NUP210L: variants seen among roughly 807,000 people sequenced by gnomAD.
NUP210L encodes nuclear pore membrane glycoprotein 210-like.
A neutral mutation model predicts 208.5 loss-of-function variants in NUP210L; 74 were observed. The observed-to-expected ratio is 0.35, with a 90% CI of 0.29 to 0.43. The LOEUF is 0.43. NUP210L is among the 20% of genes least tolerant of loss of function. The probability of loss-of-function intolerance (pLI) is 1.00; values close to 1 mark genes in which losing one functional copy is unlikely to be tolerated. For synonymous variants in NUP210L, 780 were observed against 816.9 expected (o/e 0.95, Z 0.77); for missense variants, 1,843 against 2,289.4 (o/e 0.81, Z 3.98).
chr1:154,001,726 TTAACATACC>T lies in NUP210L; in HGVS notation c.5181_5181+8del. ...CTCTTGTTCTGTTTTGGTTCAGTTC[TTAACATACC>T]TCTAGCTTCCTAAGAACTCTGTCCA... On this transcript the variant is annotated splice_donor_variant and splice_donor_5th_base_variant and coding_sequence_variant and intron_variant, in exon 36 of 40. Coordinates refer to ENST00000368559, the Ensembl canonical transcript of NUP210L. LOFTEE classifies it high-confidence loss of function. The T allele has an allele frequency of 1.2e-6, 2 of 1,613,938 alleles. No homozygotes were observed. Among genetic ancestry groups the T allele is most frequent in the Non-Finnish European group, 1.7e-6 (2 of 1,179,810 alleles).
At chr1:154,021,263 A>G (rs1651544300) in intron 32 of NUP210L, among the ~76,000 whole-genome samples, 1 of 152,186 alleles carries the variant, frequency 6.6e-6, no homozygotes, top group South Asian at 2.1e-4. Flanking sequence ...TTAACTCAGT[A>G]CTTAGGACAG....
At chr1:154,056,421 A>T (rs1283385682) in intron 23 of NUP210L, among the ~76,000 whole-genome samples, 1 of 151,312 alleles carries the variant, frequency 6.6e-6, no homozygotes, top group Non-Finnish European at 1.5e-5. Flanking sequence ...CAGTCAAATG[A>T]TTTTTTTTCT....
intron 27 of NUP210L, among the ~76,000 whole-genome samples, chr1:154,034,973 C>G (rs1652452269): frequency 2.0e-5 from 3 of 151,824 alleles, no homozygotes; most frequent in African/African-American, 7.3e-5. Context: ...TCCTGAGTAG[C>G]TAGGATTACA....
At chr1:154,130,985 G>C (rs1032449707) in intron 7 of NUP210L, among the ~76,000 whole-genome samples, 13 of 152,032 alleles carry the variant, frequency 8.6e-5, no homozygotes, top group Non-Finnish European at 1.6e-4. Flanking sequence ...TAAGAGCTAG[G>C]GCCGGGCGTC....
At chr1:154,060,963 G>C in exon 19 of NUP210L, 2 of 1,611,576 alleles carry the variant, frequency 1.2e-6, no homozygotes, top group East Asian at 4.5e-5. Context: ...GGTGGTTATA[G>C]ATGGTGGCAT....
intron 3 of NUP210L, among the ~76,000 whole-genome samples, chr1:154,142,120 G>A (rs189436023): frequency 1.4e-3 from 215 of 149,302 alleles, no homozygotes; most frequent in African/African-American, 4.7e-3. Flanking sequence ...TTGTGTCACC[G>A]CACTCCAGCC....
chr1:154,135,893 T>A (rs766542088), exon 7 of NUP210L: 8 of 1,610,610 alleles, frequency 5.0e-6, no homozygotes, highest in Non-Finnish European at 6.8e-6. Flanking sequence ...GTATAGCCAC[T>A]TTCTCAGAAT....
At chr1:154,041,335 T>C (rs554059730) in intron 27 of NUP210L, among the ~76,000 whole-genome samples, 6 of 152,134 alleles carry the variant, frequency 3.9e-5, no homozygotes, top group Admixed American at 3.9e-4. Context: ...TATTTATGTA[T>C]TTATTTATTT....
At chr1:154,131,581 T>G (rs1490969758) in intron 7 of NUP210L, among the ~76,000 whole-genome samples, 1 of 151,768 alleles carries the variant, frequency 6.6e-6, no homozygotes, top group Admixed American at 6.6e-5. Flanking sequence ...AAAAAAAAAG[T>G]ATTCGTTGTG....
chr1:154,110,521 C>T (rs1557983348), intron 12 of NUP210L, among the ~76,000 whole-genome samples: 4 of 151,306 alleles, frequency 2.6e-5, no homozygotes, highest in African/African-American at 7.4e-5. Flanking sequence ...CCACCTGCCT[C>T]GGCCTCCCAA....
At chr1:154,130,341 T>G (rs988086994) in intron 7 of NUP210L, among the ~76,000 whole-genome samples, 3 of 151,668 alleles carry the variant, frequency 2.0e-5, no homozygotes, top group Non-Finnish European at 4.4e-5. Context: ...AGCATGATCT[T>G]GGCTCACTGA....
intron 2 of NUP210L, among the ~76,000 whole-genome samples, chr1:154,152,214 C>CA (rs112515413): frequency 1 from 151,622 of 151,622 alleles, 75,811 homozygotes; most frequent in Non-Finnish European, 1. Context: ...CTCTGTCGCC[C>CA]CGCTGGAGTG....
In NUP210L at chr1:154,070,580, AT is replaced by A. The variant is rs538437842; in HGVS notation, c.2362-116del. 1.6e-4 allele frequency: 108 copies of A among 696,276 alleles called. No individual in the cohort carries two copies. In the African/African-American group the frequency reaches 1.7e-3, roughly 11 times the overall value. The allele number at this position is 696,276 out of a possible 1,614,324, so 43.1% of individuals were successfully genotyped here. A position where few individuals can be genotyped will look rare whatever the true frequency, so the allele number is the denominator to read the frequency against. Reference sequence around the variant, plus strand: ...TTCTCTCAATATTTTTACCTTAAAAATTTGCAAACTTATAGCTATTGAAAGA... The same window carrying A: ...TTCTCTCAATATTTTTACCTTAAAAATTGCAAACTTATAGCTATTGAAAGA... On this transcript the variant is annotated intron_variant, in intron 16 of 39. Coordinates refer to ENST00000368559, the Ensembl canonical transcript of NUP210L.
At chr1:154,132,351 T>A (rs1475013345) in intron 7 of NUP210L, among the ~76,000 whole-genome samples, 2 of 152,216 alleles carry the variant, frequency 1.3e-5, no homozygotes, top group Admixed American at 1.3e-4. Context: ...TCTATCTTGA[T>A]CCTCAATCTT....
chr1:154,130,756 T>C (rs929027204), intron 7 of NUP210L, among the ~76,000 whole-genome samples: 9 of 151,632 alleles, frequency 5.9e-5, no homozygotes, highest in African/African-American at 2.2e-4. Flanking sequence ...GGCTAACCTT[T>C]TACTTTTTGT....
At chr1:154,134,734 CAAAA>C (rs67813355) in intron 7 of NUP210L, among the ~76,000 whole-genome samples, 3 of 67,312 alleles carry the variant, frequency 4.5e-5, no homozygotes, top group African/African-American at 6.4e-5. Context: ...GACTCCGTCT[CAAAA>C]AAAAAAAAAA....
chr1:154,068,757 T>C (rs1356390906), intron 17 of NUP210L, among the ~76,000 whole-genome samples: 3 of 149,648 alleles, frequency 2.0e-5, no homozygotes, highest in African/African-American at 7.4e-5. Flanking sequence ...TTCTCACTCA[T>C]AGGTGGGAAT....
intron 27 of NUP210L, among the ~76,000 whole-genome samples, chr1:154,037,656 CTTTTATTTTA>C (rs774905976): frequency 2.0e-5 from 3 of 151,946 alleles, no homozygotes; most frequent in African/African-American, 4.8e-5. Context: ...CACTCTATGT[CTTTTATTTTA>C]TTTTATTTTA....
chr1:154,022,966 C>T (rs1445516480), intron 31 of NUP210L, among the ~76,000 whole-genome samples, 156 bp downstream of exon 31: 3 of 151,940 alleles, frequency 2.0e-5, no homozygotes, highest in African/African-American at 7.3e-5. Flanking sequence ...TGTGAGCCAC[C>T]CACCTGGCCT....
Sources: gnomAD v4.1 joint callset for allele counts (sites outside exome capture counted in the v4.1 genomes callset) on GRCh38, gnomAD v4.1.1 for gene constraint, MANE v1.5 for transcripts, NCBI Gene and HGNC (gene_info 2026-07-23, HGNC 2026-07-21) for gene names.